Variants in TMEM114 observed in about 807,000 individuals in gnomAD.
TMEM114 encodes transmembrane protein 114.
In TMEM114, 6 loss-of-function variants were observed where a neutral mutation model predicts 6.2. The ratio of observed to expected loss-of-function variants is 0.97; its 90% CI spans 0.53 to 1.91. The LOEUF (loss-of-function observed/expected upper bound fraction) is 1.91. Among genes scored for constraint, TMEM114 ranks in the 40% most tolerant of loss-of-function variants. TMEM114 has a pLI of 0.01. For missense variants in TMEM114, 218 were observed against 158.3 expected (o/e 1.38, Z -2.02); for synonymous variants, 104 against 73.0 (o/e 1.42, Z -2.16).
At chr16:8,547,718 GT>G (rs1269599621) in intron 2 of TMEM114, among the ~76,000 whole-genome samples, 1 of 152,096 alleles carries the variant, frequency 6.6e-6, no homozygotes, top group African/African-American at 2.4e-5. Flanking sequence ...GAACACAAAG[GT>G]TGGCAAGGTT....
At chr16:8,547,023 C>G (rs974620984) in intron 2 of TMEM114, among the ~76,000 whole-genome samples, 3 of 152,208 alleles carry the variant, frequency 2.0e-5, no homozygotes, top group Non-Finnish European at 2.9e-5. Flanking sequence ...CTTGTATGTA[C>G]AAGACCCATT....
At chr16:8,573,076 G>C (rs888328348) in intron 2 of TMEM114, among the ~76,000 whole-genome samples, 1 of 152,156 alleles carries the variant, frequency 6.6e-6, no homozygotes, top group Non-Finnish European at 1.5e-5. Flanking sequence ...GTTTTGTTTT[G>C]TTTAAAGTTT....
chr16:8,548,215 C>T (rs572771128), intron 2 of TMEM114, among the ~76,000 whole-genome samples: 2 of 152,152 alleles, frequency 1.3e-5, no homozygotes, highest in African/African-American at 2.4e-5. Context: ...GCCTCTCCAC[C>T]CCTGGATTTT....
intron 2 of TMEM114, among the ~76,000 whole-genome samples, chr16:8,574,164 G>A (rs998607817): frequency 6.6e-6 from 1 of 152,100 alleles, no homozygotes; most frequent in African/African-American, 2.4e-5. Context: ...TCTAATTCAG[G>A]CTGACTGTGG....
At chr16:8,562,080 A>ATGAATGAGTGAGTGAG (rs1358516214) in intron 2 of TMEM114, among the ~76,000 whole-genome samples, 1 of 134,584 alleles carries the variant, frequency 7.4e-6, no homozygotes, top group Non-Finnish European at 1.6e-5. Flanking sequence ...GAGTGAGTGA[A>ATGAATGAGTGAGTGAG]TGAATGAGTG....
chr16:8,566,313 G>T (rs1901542087), downstream of TMEM114, among the ~76,000 whole-genome samples: 1 of 151,742 alleles, frequency 6.6e-6, no homozygotes, highest in Non-Finnish European at 1.5e-5. Flanking sequence ...GGAGGCAGAG[G>T]TTGGAGTGAG....
chr16:8,585,507 G>A (rs769589217), intron 2 of TMEM114, among the ~76,000 whole-genome samples: 11 of 152,086 alleles, frequency 7.2e-5, no homozygotes, highest in Non-Finnish European at 1.3e-4. Flanking sequence ...CGTGCTGCTT[G>A]TCAGCTAGCT....
At chr16:8,559,961 C>A (rs191411578) in intron 2 of TMEM114, among the ~76,000 whole-genome samples, 1 of 152,168 alleles carries the variant, frequency 6.6e-6, no homozygotes, top group Non-Finnish European at 1.5e-5. Flanking sequence ...CCGGGCTTTG[C>A]GTCTCTGTTC....
intron 2 of TMEM114, among the ~76,000 whole-genome samples, chr16:8,540,605 G>C (rs538696354): frequency 0.013 from 1,814 of 139,600 alleles, 36 homozygotes; most frequent in African/African-American, 0.047. Flanking sequence ...GATAAGAACA[G>C]GTGAAGTAGA....
intron 2 of TMEM114, among the ~76,000 whole-genome samples, chr16:8,576,707 G>T (rs573936995): frequency 0.022 from 35 of 1,558 alleles, no homozygotes; most frequent in African/African-American, 0.066. Context: ...ATGAGAGCAG[G>T]AAGGAAGGAA....
chr16:8,530,748 G>A, the TMEM114 span, among the ~76,000 whole-genome samples: 1 of 152,148 alleles, frequency 6.6e-6, no homozygotes, highest in South Asian at 2.1e-4. Context: ...GAGGGGCCGG[G>A]CATTGTGGCT....
At chr16:8,587,048 G>A (rs1003436007) in intron 2 of TMEM114, among the ~76,000 whole-genome samples, 66 of 152,214 alleles carry the variant, frequency 4.3e-4, no homozygotes, top group African/African-American at 1.6e-3. Context: ...GTAACATCAT[G>A]TTGGTGTCTT....
downstream of TMEM114, among the ~76,000 whole-genome samples, chr16:8,533,484 C>A (rs11077316): frequency 0.55 from 83,790 of 151,994 alleles, 23,385 homozygotes; most frequent in South Asian, 0.68. Flanking sequence ...ATGTCGGAGC[C>A]TTTGATACAT....
At chr16:8,576,742 G>GGAAGGAAGGAAGGAAGGAAGGAAA (rs1567208931) in intron 2 of TMEM114, among the ~76,000 whole-genome samples, 15 of 150,576 alleles carry the variant, frequency 1.0e-4, no homozygotes, top group African/African-American at 3.6e-4. Flanking sequence ...AAGGAAGGAA[G>GGAAGGAAGGAAGGAAGGAAGGAAA]GAAGGAAGGA....
At position 8,545,234 on chromosome 16, in the gene TMEM114, C is replaced by T. The variant is rs770229773; in HGVS notation, n.213-7408G>A. 5.3e-4 allele frequency among the ~76,000 whole-genome samples: 81 copies of T among 151,996 alleles called. 1 individual carries two copies. The highest frequency in any genetic ancestry group is 4.6e-4 in the Admixed American group (7 of 15,236). On this transcript the variant is annotated intron_variant and non_coding_transcript_variant, in intron 2 of 2. Transcript: ENST00000623677. Reference sequence around the variant, plus strand: ...GGGAAGATTACTTGCATCCACGAGTCCAAGACCAACCTGGGCAACATAGCA... The same window carrying T: ...GGGAAGATTACTTGCATCCACGAGTTCAAGACCAACCTGGGCAACATAGCA...
chr16:8,565,281 T>C (rs553453771), downstream of TMEM114, among the ~76,000 whole-genome samples: 2 of 152,286 alleles, frequency 1.3e-5, no homozygotes, highest in African/African-American at 4.8e-5. Context: ...GAACAAAGAC[T>C]GAATGCGTGC....
At chr16:8,535,687 G>A (rs4787250), downstream of TMEM114, among the ~76,000 whole-genome samples, 87,078 of 151,948 alleles carry the variant, frequency 0.57, 25,007 homozygotes, top group South Asian at 0.68. Flanking sequence ...CAAATCCTTC[G>A]TCGTGGGAAC....
At chr16:8,549,279 C>A (rs1316957003) in intron 2 of TMEM114, among the ~76,000 whole-genome samples, 2 of 150,248 alleles carry the variant, frequency 1.3e-5, no homozygotes, top group African/African-American at 4.9e-5. Flanking sequence ...GTGGGTGGAT[C>A]ACCTGAGGTC....
intron 2 of TMEM114, among the ~76,000 whole-genome samples, chr16:8,556,052 G>T (rs567575132): frequency 6.6e-6 from 1 of 152,330 alleles, no homozygotes; most frequent in Admixed American, 6.5e-5. Context: ...GCATTTTCCA[G>T]CTCTGTGAAT....
Sources: gnomAD v4.1 joint callset for allele counts (sites outside exome capture counted in the v4.1 genomes callset) on GRCh38, gnomAD v4.1.1 for gene constraint, MANE v1.5 for transcripts, NCBI Gene and HGNC (gene_info 2026-07-23, HGNC 2026-07-21) for gene names.